PIGB: variants seen among roughly 807,000 people sequenced by gnomAD.
PIGB encodes phosphatidylinositol glycan anchor biosynthesis class B, also known as GPI alpha-1,2-mannosyltransferase 3.
A neutral mutation model predicts 68.4 loss-of-function variants in PIGB; 58 were observed. That is an observed-to-expected ratio of 0.85 (90% CI 0.69 to 1.06). The LOEUF (loss-of-function observed/expected upper bound fraction) is 1.06. Ranked by LOEUF, PIGB falls within the 50% of genes least tolerant of loss-of-function variation. The pLI is 0.00. For missense variants in PIGB, 634 were observed against 655.8 expected (o/e 0.97, Z 0.36); for synonymous variants, 219 against 220.5 (o/e 0.99, Z 0.06).
chr15:55,331,495 C>T (rs1461310918), intron 5 of PIGB, among the ~76,000 whole-genome samples: 7 of 152,118 alleles, frequency 4.6e-5, no homozygotes, highest in Non-Finnish European at 8.8e-5. Context: ...GGGTGGATCA[C>T]TTGAGGTCGG....
chr15:55,335,215 A>T (rs556088338), intron 6 of PIGB, among the ~76,000 whole-genome samples: 1 of 152,330 alleles, frequency 6.6e-6, no homozygotes, highest in African/African-American at 2.4e-5. Flanking sequence ...GAAACTGCCT[A>T]ATGATGCAGT....
At position 55,321,271 on chromosome 15, in the gene PIGB, A is replaced by G; in HGVS notation, c.300-2A>G. 1 of 1,596,480 alleles carries G rather than the reference A, an allele frequency of 6.3e-7. No homozygotes were observed. On this transcript the variant is annotated splice_acceptor_variant, in intron 2 of 11. Coordinates refer to ENST00000164305, the MANE Select transcript of PIGB (RefSeq NM_004855.5). LOFTEE classifies it high-confidence loss of function. Reference sequence around the variant, plus strand: ...TGGACATTTACTCCTTAATGTTACTAATTATGGTTATTTGACTTGGGAATG... The same window carrying G: ...TGGACATTTACTCCTTAATGTTACTGATTATGGTTATTTGACTTGGGAATG...
intron 9 of PIGB, among the ~76,000 whole-genome samples, chr15:55,345,566 C>G (rs1171341271): frequency 6.6e-6 from 1 of 152,146 alleles, no homozygotes; most frequent in Non-Finnish European, 1.5e-5. Flanking sequence ...CAAGACCAGC[C>G]TGGCCAACAG....
At chr15:55,327,677 G>A (rs758551808) in intron 4 of PIGB, 42 bp downstream of exon 4, 15 of 1,119,734 alleles carry the variant, frequency 1.3e-5, no homozygotes, top group South Asian at 3.9e-5. Context: ...CAGTTATTTC[G>A]TTCCTATGGG....
At position 55,319,255 on chromosome 15, in the gene PIGB, G is replaced by C; in HGVS notation, c.5G>C (p.Arg2Thr). The C allele has an allele frequency of 1.9e-6, 3 of 1,605,750 alleles. No individual in the cohort carries two copies. The highest frequency in any genetic ancestry group is 2.5e-6 in the Non-Finnish European group (3 of 1,176,768). Residue 2 changes from arginine (R) to threonine (T), a missense_variant, in exon 1 of 12, where the codon AGG becomes ACG. By Grantham distance (71) the Arg-to-Thr change is moderately conservative. Transcript: ENST00000164305. MRRPLSKCGMEP... is the reference protein window; with the variant it reads MTRPLSKCGMEP... ...TTAGGAAGGTGGCGGCCAGGGATGAGGAGGCCCCTAAGCAAGTGCGGAATG... is the reference window on the plus strand; with the variant it reads ...TTAGGAAGGTGGCGGCCAGGGATGACGAGGCCCCTAAGCAAGTGCGGAATG...
chr15:55,321,183 G>A, intron 2 of PIGB, 90 bp from the exon 3 acceptor site: 1 of 1,211,512 alleles, frequency 8.3e-7, no homozygotes, highest in Non-Finnish European at 1.1e-6. Context: ...AGACCAGCCT[G>A]GGCAAGAGAG....
chr15:55,341,319 C>T (rs569979970), intron 8 of PIGB, among the ~76,000 whole-genome samples: 13 of 152,318 alleles, frequency 8.5e-5, no homozygotes, highest in Non-Finnish European at 1.5e-4. Context: ...TATGATTGTG[C>T]TACTGCACTC....
chr15:55,327,319 A>T (rs2055315894), intron 3 of PIGB, among the ~76,000 whole-genome samples: 2 of 150,998 alleles, frequency 1.3e-5, no homozygotes, highest in African/African-American at 4.9e-5. Context: ...TAAAACTTAA[A>T]ACTACATTGA....
chr15:55,335,099 T>C (rs923697084), intron 6 of PIGB, among the ~76,000 whole-genome samples: 1 of 152,252 alleles, frequency 6.6e-6, no homozygotes, highest in Non-Finnish European at 1.5e-5. Context: ...TCATGCTGTA[T>C]AGGTTTGTAG....
rs574721721 is a variant in PIGB at position 55,341,708 on chromosome 15, ATT to A, written c.1059-25_1059-24del. 17 of 957,316 alleles carry A rather than the reference ATT, an allele frequency of 1.8e-5. No individual in the cohort carries two copies. In the Admixed American group the frequency reaches 2.0e-4, roughly 11 times the overall value. The allele number at this position is 957,316 out of a possible 1,614,324, so 59.3% of individuals were successfully genotyped here. A position where few individuals can be genotyped will look rare whatever the true frequency, so the allele number is the denominator to read the frequency against. ...TCTATCATATAACATGATAATTAATATTTTTTAATAATATTTGTTTTTATTAC... is the reference window on the plus strand; with the variant it reads ...TCTATCATATAACATGATAATTAATATTTTAATAATATTTGTTTTTATTAC... On this transcript the variant is annotated intron_variant, in intron 8 of 11. Transcript: ENST00000164305.
chr15:55,347,850 C>A (rs1438857806), intron 9 of PIGB, among the ~76,000 whole-genome samples: 4 of 152,174 alleles, frequency 2.6e-5, no homozygotes, highest in Admixed American at 2.6e-4. Flanking sequence ...CTCACCAGTA[C>A]TGAAGATGCT....
intron 2 of PIGB, 99 bp from the exon 3 acceptor site, chr15:55,321,174 G>A: frequency 4.5e-6 from 5 of 1,113,940 alleles, no homozygotes; most frequent in Non-Finnish European, 6.1e-6. Flanking sequence ...CCAAGTTTGA[G>A]ACCAGCCTGG....
chr15:55,353,781 T>C (rs2055987402), intron 10 of PIGB, among the ~76,000 whole-genome samples: 1 of 151,970 alleles, frequency 6.6e-6, no homozygotes, highest in South Asian at 2.1e-4. Flanking sequence ...ATTTTTGTAC[T>C]TTTAGTAGAT....
At chr15:55,325,528 T>C (rs1467062693) in intron 3 of PIGB, among the ~76,000 whole-genome samples, 1 of 152,166 alleles carries the variant, frequency 6.6e-6, no homozygotes, top group East Asian at 1.9e-4. Context: ...TTGTAATACA[T>C]TTAGTCTTTA....
intron 5 of PIGB, among the ~76,000 whole-genome samples, chr15:55,332,943 T>G (rs1425123633): frequency 6.6e-6 from 1 of 152,206 alleles, no homozygotes; most frequent in Admixed American, 6.5e-5. Flanking sequence ...ATATTTCACT[T>G]GGCTAAAATT....
intron 11 of PIGB, 143 bp downstream of exon 11, chr15:55,355,121 T>C: frequency 1.1e-6 from 1 of 897,050 alleles, no homozygotes. Context: ...CAGTCAAAAT[T>C]AGCCCCAGTT....
chr15:55,336,156 A>C (rs982638203), intron 6 of PIGB, among the ~76,000 whole-genome samples: 1 of 152,168 alleles, frequency 6.6e-6, no homozygotes, highest in African/African-American at 2.4e-5. Context: ...CTGTAATCCC[A>C]GTGCCCTGGG....
chr15:55,319,411 G>T lies in PIGB; in HGVS notation c.161G>T (p.Gly54Val), dbSNP rs764037754. 1 of 1,551,660 alleles carries T rather than the reference G, an allele frequency of 6.4e-7. No homozygotes were observed. The highest frequency in any genetic ancestry group is 8.7e-7 in the Non-Finnish European group (1 of 1,146,926). The change falls in exon 1 of 12, where the codon GGG becomes GTG. Residue 54 changes from glycine (G) to valine (V), a missense_variant and splice_region_variant. Physicochemically the swap from Gly to Val is moderately radical, Grantham distance 109. Coordinates refer to ENST00000164305, the MANE Select transcript of PIGB (RefSeq NM_004855.5). The part of the protein sequence containing the change: ...NTQEKSARRR[G>V]DLLGENIYLL... ...CAGGAGAAGAGCGCCAGGCGCCGCG[G>T]GGGTGAGTGAGGGGACACTGTCTGG...
At chr15:55,327,658 G>C in intron 4 of PIGB, 23 bp downstream of exon 4, 1 of 1,371,750 alleles carries the variant, frequency 7.3e-7, no homozygotes, top group East Asian at 2.3e-5. Context: ...TACTTTAGAA[G>C]CTGTATGCCA....
Sources: gnomAD v4.1 joint callset for allele counts (sites outside exome capture counted in the v4.1 genomes callset) on GRCh38, gnomAD v4.1.1 for gene constraint, MANE v1.5 for transcripts, NCBI Gene and HGNC (gene_info 2026-07-23, HGNC 2026-07-21) for gene names.